KDM4A: variants seen among roughly 807,000 people sequenced by gnomAD.
The protein encoded by KDM4A is lysine-specific demethylase 4A.
A neutral mutation model predicts 127.1 loss-of-function variants in KDM4A; 23 were observed. That is an observed-to-expected ratio of 0.18 (90% CI 0.13 to 0.26). The LOEUF (loss-of-function observed/expected upper bound fraction) is 0.26, where lower values mean the gene tolerates loss of function less well. Among genes scored for constraint, KDM4A ranks in the 10% least tolerant of loss-of-function variants. The pLI, the probability that KDM4A is intolerant of heterozygous loss-of-function variation, is 1.00. For synonymous variants in KDM4A, 443 were observed against 466.5 expected (o/e 0.95, Z 0.65); for missense variants, 890 against 1,329.1 (o/e 0.67, Z 5.14).
chr1:43,690,001 C>T (rs938488980), intron 13 of KDM4A, among the ~76,000 whole-genome samples: 1 of 152,222 alleles, frequency 6.6e-6, no homozygotes, highest in African/African-American at 2.4e-5. Context: ...GGCATAGGCT[C>T]TGGGGTTGAC....
chr1:43,666,074 T>TA (rs1660496256), intron 6 of KDM4A, among the ~76,000 whole-genome samples: 1 of 152,230 alleles, frequency 6.6e-6, no homozygotes, highest in Non-Finnish European at 1.5e-5. Context: ...TAAGTGGACT[T>TA]AGATTTGTAT....
intron 18 of KDM4A, 136 bp downstream of exon 18, chr1:43,695,030 T>C (rs1661210811): frequency 1.1e-6 from 1 of 871,676 alleles, no homozygotes; most frequent in Admixed American, 2.8e-5. Context: ...GTTAAGAGAT[T>C]GAGAGGTGGC....
chr1:43,703,164 G>A (rs1661447364), intron 19 of KDM4A, among the ~76,000 whole-genome samples: 1 of 151,886 alleles, frequency 6.6e-6, no homozygotes, highest in Non-Finnish European at 1.5e-5. Context: ...GGATGGTCTT[G>A]ATCTCCTGAC....
chr1:43,671,745 C>T lies in KDM4A; in HGVS notation c.1604C>T (p.Ala535Val), dbSNP rs780911853. The T allele has an allele frequency of 6.2e-7, 1 of 1,613,932 alleles. No individual in the cohort carries two copies. Among genetic ancestry groups the T allele is most frequent in the East Asian group, 2.2e-5 (1 of 44,882 alleles). Residue 535 changes from alanine to valine, a missense_variant, in exon 11 of 22, where the codon GCC becomes GTC. Coordinates refer to ENST00000372396, the MANE Select transcript of KDM4A (RefSeq NM_014663.3). ...SETSEPLSCR[A>V]QGQTGVLTVH... ...ACTAGTGAGCCTCTCTCCTGCCGAG[C>T]CCAAGGGCAAACGGGAGTTCTCACT...
intron 1 of KDM4A, 101 bp downstream of exon 1, chr1:43,650,353 G>C (rs1009870869): frequency 1.3e-5 from 2 of 152,578 alleles, no homozygotes; most frequent in Non-Finnish European, 2.9e-5. Flanking sequence ...GTCTTCCAGC[G>C]GTGAGTGATC....
intron 5 of KDM4A, 65 bp downstream of exon 5, chr1:43,663,152 G>A (rs1660423227): frequency 1.1e-5 from 16 of 1,418,270 alleles, no homozygotes; most frequent in African/African-American, 4.3e-5. Flanking sequence ...TTCATTGTGC[G>A]TGGGAAGCAC....
intron 13 of KDM4A, chr1:43,690,546 C>A (rs1661084944): frequency 9.1e-6 from 4 of 438,012 alleles, no homozygotes; most frequent in South Asian, 6.7e-5. Context: ...CCTCACCTGG[C>A]CTCTCAGTGC....
chr1:43,654,859 G>GT (rs944541814), intron 2 of KDM4A, among the ~76,000 whole-genome samples: 76 of 147,706 alleles, frequency 5.1e-4, no homozygotes, highest in South Asian at 1.3e-3. Flanking sequence ...GATTTTTTTT[G>GT]TTTTTTTTTG....
chr1:43,674,548 G>A (rs1372306564), intron 11 of KDM4A, among the ~76,000 whole-genome samples: 4 of 149,656 alleles, frequency 2.7e-5, no homozygotes, highest in Admixed American at 6.7e-5. Context: ...ACTGAGTCTC[G>A]CTCTGTTGCC....
chr1:43,666,251 A>T, intron 6 of KDM4A: 1 of 537,076 alleles, frequency 1.9e-6, no homozygotes, highest in East Asian at 3.1e-5. Context: ...TTCATTACCC[A>T]CGTAATGCCC....
rs56172381 is a variant in KDM4A, at chr1:43,692,226, C to T, written c.2320-30C>T. 3,577 of 1,608,620 alleles carry T rather than the reference C, an allele frequency of 2.2e-3. 5 individuals carry two copies. The highest frequency in any genetic ancestry group is 2.6e-3 in the Non-Finnish European group (3,047 of 1,175,020). ...TGAATGTTAATGACTTGGTATTAAC[C>T]ACTTTTTCCTCCCTCTCCTTTCTTG... On this transcript the variant is annotated intron_variant, in intron 15 of 21. Coordinates refer to ENST00000372396, the MANE Select transcript of KDM4A (RefSeq NM_014663.3).
intron 10 of KDM4A, 119 bp downstream of exon 10, chr1:43,669,418 T>C (rs1660569981): frequency 3.0e-6 from 3 of 1,001,304 alleles, no homozygotes; most frequent in Non-Finnish European, 4.7e-6. Context: ...CGTGAGCAGA[T>C]AGCATACTTG....
Position 43,652,676 on chromosome 1 carries a change from TTTC to T in KDM4A, c.-39-458_-39-456del, listed in dbSNP as rs1353319577. Among the ~76,000 whole-genome samples the T allele has an allele frequency of 4.4e-5, 6 of 137,858 alleles. No homozygotes were observed. In the South Asian group the frequency reaches 6.6e-4, roughly 15 times the overall value. 90.4% of individuals were successfully genotyped at this position (137,858 alleles called of 152,430 possible). Reference sequence around the variant, plus strand: ...TAAATTACTTTTCTTTCTTTCTTTCTTTCTTTTTTTTTTTTTTTTTTTGAGACG... The same window carrying T: ...TAAATTACTTTTCTTTCTTTCTTTCTTTTTTTTTTTTTTTTTTTTGAGACG... On this transcript the variant is annotated intron_variant, in intron 1 of 21. Transcript: ENST00000372396.
intron 19 of KDM4A, among the ~76,000 whole-genome samples, chr1:43,698,222 C>T (rs776223857): frequency 1.1e-4 from 16 of 152,156 alleles, no homozygotes; most frequent in Non-Finnish European, 2.1e-4. Flanking sequence ...CTAGAAGTAC[C>T]TGGGAATCAG....
chr1:43,673,742 G>A (rs1660679229), intron 11 of KDM4A, among the ~76,000 whole-genome samples: 1 of 152,108 alleles, frequency 6.6e-6, no homozygotes, highest in Non-Finnish European at 1.5e-5. Flanking sequence ...GGAAACCAGA[G>A]TCTCTTTAAC....
At chr1:43,692,591 G>A (rs564311830) in intron 16 of KDM4A, among the ~76,000 whole-genome samples, 31 of 152,280 alleles carry the variant, frequency 2.0e-4, no homozygotes, top group Admixed American at 1.3e-4. Flanking sequence ...ATATGAAGAC[G>A]AAGATGATGC....
intron 11 of KDM4A, among the ~76,000 whole-genome samples, chr1:43,681,723 G>A (rs982097490): frequency 1.3e-5 from 2 of 152,104 alleles, no homozygotes; most frequent in African/African-American, 2.4e-5. Context: ...GGGGCAGGTC[G>A]GGGGGAAACA....
In KDM4A at chr1:43,694,675, C is replaced by T. The variant is rs774140059; in HGVS notation, c.2485-34C>T. 1.3e-6 allele frequency: 2 copies of T among 1,571,316 alleles called. No homozygotes were observed. The highest frequency in any genetic ancestry group is 1.7e-6 in the Non-Finnish European group (2 of 1,145,550). On this transcript the variant is annotated intron_variant, in intron 17 of 21. Coordinates refer to ENST00000372396, the MANE Select transcript of KDM4A (RefSeq NM_014663.3). This position sits in a 1 kb window ranked among gnomAD's most constrained non-coding sequence, Gnocchi z 5.2. ...ACAGAGGAAGCTGCAGTGCCAGTTC[C>T]TGCAATCACTGGTTTTCTTCCCCTG...
intron 4 of KDM4A, among the ~76,000 whole-genome samples, chr1:43,661,986 C>T (rs926851239): frequency 5.3e-5 from 8 of 152,128 alleles, no homozygotes; most frequent in Admixed American, 1.3e-4. Flanking sequence ...CCTCAAACAC[C>T]GGGGTCAAGG....
Sources: gnomAD v4.1 joint callset for allele counts (sites outside exome capture counted in the v4.1 genomes callset) on GRCh38, gnomAD v4.1.1 for gene constraint, Gnocchi (gnomAD v3.1) non-coding constraint, MANE v1.5 for transcripts, NCBI Gene and HGNC (gene_info 2026-07-23, HGNC 2026-07-21) for gene names.